IFT43: variants seen among roughly 807,000 people sequenced by gnomAD.
IFT43 encodes intraflagellar transport protein 43 homolog.
A neutral mutation model predicts 32.3 loss-of-function variants in IFT43; 33 were observed. The observed-to-expected ratio is 1.02, with a 90% CI of 0.77 to 1.37. The LOEUF (loss-of-function observed/expected upper bound fraction) is 1.37, where lower values mean the gene tolerates loss of function less well. Ranked by LOEUF, IFT43 falls within the 40% of genes most tolerant of loss-of-function variation. The pLI, the probability that IFT43 is intolerant of heterozygous loss-of-function variation, is 0.00. For synonymous variants in IFT43, 93 were observed against 98.2 expected (o/e 0.95, Z 0.31); for missense variants, 274 against 265.9 (o/e 1.03, Z -0.21).
intron 2 of IFT43, among the ~76,000 whole-genome samples, chr14:76,008,314 T>A (rs2036016565): frequency 6.6e-6 from 1 of 152,172 alleles, no homozygotes; most frequent in African/African-American, 2.4e-5. Context: ...AAACTTCCAT[T>A]GTCTCAACCC....
chr14:76,074,254 A>AT (rs2037374004), intron 5 of IFT43, among the ~76,000 whole-genome samples: 1 of 152,088 alleles, frequency 6.6e-6, no homozygotes, highest in African/African-American at 2.4e-5. Flanking sequence ...CTTGGGCCTT[A>AT]TTGAAGAGAG....
At position 76,073,251 on chromosome 14, in the gene IFT43, G is replaced by A. The variant is rs73314959; in HGVS notation, c.296-9044G>A. On this transcript the variant is annotated intron_variant, in intron 5 of 8. Transcript: ENST00000314067. ...TCTGTGCTTTCCTAAATAGAAGGCT[G>A]TGGTTCATTTCTCCGTTTGAAGGCT... Among the ~76,000 whole-genome samples the A allele has an allele frequency of 6.0e-3, 920 of 152,308 alleles. 5 individuals carry two copies. Among genetic ancestry groups the A allele is most frequent in the African/African-American group, 0.021 (870 of 41,552 alleles).
At chr14:76,068,730 A>C (rs1384268279) in intron 5 of IFT43, among the ~76,000 whole-genome samples, 5 of 152,194 alleles carry the variant, frequency 3.3e-5, no homozygotes, top group African/African-American at 1.2e-4. Context: ...GAGAAAGAAC[A>C]TCAGATCTGT....
intron 2 of IFT43, among the ~76,000 whole-genome samples, chr14:76,016,990 A>G: frequency 6.6e-6 from 1 of 152,160 alleles, no homozygotes; most frequent in Admixed American, 6.5e-5. Context: ...TATCATCTGC[A>G]AAGAGGGACA....
chr14:76,046,188 G>A (rs1256888720), intron 3 of IFT43, among the ~76,000 whole-genome samples: 2 of 152,198 alleles, frequency 1.3e-5, no homozygotes, highest in Admixed American at 6.5e-5. Flanking sequence ...GGCAGAAAAA[G>A]TAAAGCAGAA....
intron 3 of IFT43, among the ~76,000 whole-genome samples, chr14:76,057,927 G>C (rs961795806): frequency 7.2e-5 from 11 of 152,142 alleles, no homozygotes; most frequent in African/African-American, 2.7e-4. Context: ...GTGTTTCTCA[G>C]AGTGTGAGTA....
intron 5 of IFT43, among the ~76,000 whole-genome samples, chr14:76,061,977 T>C (rs1315765750): frequency 6.6e-6 from 1 of 152,182 alleles, no homozygotes; most frequent in Non-Finnish European, 1.5e-5. Context: ...ACTAGCTCTT[T>C]TCATGTTCTT....
chr14:76,022,477 C>CA, intron 3 of IFT43, 83 bp downstream of exon 3: 1 of 808,254 alleles, frequency 1.2e-6, no homozygotes, highest in South Asian at 1.5e-5. Flanking sequence ...TTATTTTTTA[C>CA]AATAGCTTTA....
At chr14:76,062,627 G>T (rs372195970) in intron 5 of IFT43, among the ~76,000 whole-genome samples, 1 of 151,984 alleles carries the variant, frequency 6.6e-6, no homozygotes, top group Non-Finnish European at 1.5e-5. Flanking sequence ...TTGAAAATGC[G>T]TTAAGTCAGT....
At chr14:76,027,349 C>CACT (rs71122512) in intron 3 of IFT43, among the ~76,000 whole-genome samples, 1 of 146,794 alleles carries the variant, frequency 6.8e-6, no homozygotes, top group African/African-American at 2.5e-5. Flanking sequence ...CACACACACA[C>CACT]TTTTTCCCAA....
intron 2 of IFT43, among the ~76,000 whole-genome samples, chr14:75,998,336 G>T (rs917996914): frequency 2.0e-5 from 3 of 152,186 alleles, no homozygotes; most frequent in African/African-American, 7.2e-5. Context: ...CATGGGACTT[G>T]TGTATACCAG....
rs2036817513 is a variant in IFT43 at position 76,046,888 on chromosome 14, T to G, written c.216-11754T>G. 2.0e-5 allele frequency among the ~76,000 whole-genome samples: 3 copies of G among 152,284 alleles called. No individual in the cohort carries two copies. In the East Asian group the frequency reaches 5.8e-4, roughly 29 times the overall value. ...AAAGTACCACAGTCTGGGTAGTTTA[T>G]AAATAATGGAAATGTATGTCTCACA... is the stretch of plus-strand genomic sequence containing the variant. On this transcript the variant is annotated intron_variant, in intron 3 of 8. Coordinates refer to ENST00000314067, the MANE Select transcript of IFT43 (RefSeq NM_001102564.3).
intron 2 of IFT43, among the ~76,000 whole-genome samples, chr14:75,993,792 C>T (rs1457170081): frequency 2.0e-5 from 3 of 152,170 alleles, no homozygotes; most frequent in Non-Finnish European, 2.9e-5. Context: ...CTCCTGGGAT[C>T]AGATATGCAT....
chr14:76,073,013 T>A (rs1365265294), intron 5 of IFT43, among the ~76,000 whole-genome samples: 5 of 152,184 alleles, frequency 3.3e-5, no homozygotes, highest in Non-Finnish European at 5.9e-5. Context: ...TGAGGACCAC[T>A]GCCCAGGGAG....
intron 3 of IFT43, among the ~76,000 whole-genome samples, chr14:76,053,058 G>C (rs1423507320): frequency 1.3e-5 from 2 of 152,046 alleles, no homozygotes; most frequent in African/African-American, 2.4e-5. Context: ...CCTTAGGCAG[G>C]TTACTTACCT....
At chr14:76,038,206 GA>G (rs1315305699) in intron 3 of IFT43, 1 of 152,226 alleles carries the variant, frequency 6.6e-6, no homozygotes, top group Non-Finnish European at 1.5e-5. Flanking sequence ...TTGCATGTGA[GA>G]TGGTTGAGAA....
At chr14:76,006,034 T>G (rs188504577) in intron 2 of IFT43, among the ~76,000 whole-genome samples, 3 of 152,226 alleles carry the variant, frequency 2.0e-5, no homozygotes, top group Non-Finnish European at 4.4e-5. Flanking sequence ...TTTGTGTCCA[T>G]TTTCCCTTGG....
At chr14:76,066,973 T>C (rs535380499) in intron 5 of IFT43, among the ~76,000 whole-genome samples, 58 of 152,354 alleles carry the variant, frequency 3.8e-4, no homozygotes, top group Admixed American at 1.5e-3. Flanking sequence ...TGTATTGCTC[T>C]AGATGCTGGA....
chr14:76,027,315 C>T (rs1275701960), intron 3 of IFT43, among the ~76,000 whole-genome samples: 1 of 133,760 alleles, frequency 7.5e-6, no homozygotes, highest in African/African-American at 2.8e-5. Flanking sequence ...ACTTTTTTCT[C>T]CCTCCCCCTT....
Sources: allele counts gnomAD v4.1 joint callset (sites outside exome capture counted in the v4.1 genomes callset), GRCh38; gene constraint gnomAD v4.1.1; transcripts MANE v1.5; gene names NCBI Gene and HGNC (gene_info 2026-07-23, HGNC 2026-07-21).